KCNMA1: variants seen among roughly 807,000 people sequenced by gnomAD.
The protein encoded by KCNMA1 is Calcium-activated potassium channel subunit alpha-1.
Under a neutral mutation model 140.0 loss-of-function variants are expected in KCNMA1, and 29 were observed. The observed-to-expected ratio is 0.21, with a 90% CI of 0.15 to 0.28. KCNMA1 has a LOEUF of 0.28. Among genes scored for constraint, KCNMA1 ranks in the 10% least tolerant of loss-of-function variants. KCNMA1 has a pLI of 1.00. For synonymous variants in KCNMA1, 612 were observed against 611.9 expected (o/e 1.00, Z 0.00); for missense variants, 880 against 1,602.2 (o/e 0.55, Z 7.70).
chr10:77,322,963 T>G, intron 2 of KCNMA1, among the ~76,000 whole-genome samples: 1 of 152,172 alleles, frequency 6.6e-6, no homozygotes, highest in East Asian at 1.9e-4. Context: ...AATTTACCCC[T>G]GAGGATTGAC....
chr10:77,543,158 T>C (rs2060594653), intron 1 of KCNMA1, among the ~76,000 whole-genome samples: 2 of 152,086 alleles, frequency 1.3e-5, no homozygotes, highest in South Asian at 4.2e-4. Flanking sequence ...TATCCCCTCA[T>C]TAGTGGAATG....
intron 6 of KCNMA1, among the ~76,000 whole-genome samples, chr10:77,117,793 C>T (rs955096884): frequency 3.3e-5 from 5 of 152,080 alleles, no homozygotes; most frequent in African/African-American, 1.2e-4. Context: ...CTGCCAAAAC[C>T]TCAGATAGTG....
At chr10:77,443,851 T>C (rs1399846583) in intron 1 of KCNMA1, among the ~76,000 whole-genome samples, 1 of 152,124 alleles carries the variant, frequency 6.6e-6, no homozygotes, top group Non-Finnish European at 1.5e-5. Context: ...GTTTGATAGA[T>C]CAGTAGGGTG....
intron 1 of KCNMA1, among the ~76,000 whole-genome samples, chr10:77,413,776 G>A (rs965100195): frequency 2.6e-5 from 4 of 152,156 alleles, no homozygotes; most frequent in African/African-American, 7.2e-5. Flanking sequence ...CATTTGCACT[G>A]ATTAATTCAC....
intron 3 of KCNMA1, among the ~76,000 whole-genome samples, chr10:77,235,670 A>G (rs1398238104): frequency 6.6e-6 from 1 of 152,172 alleles, no homozygotes; most frequent in African/African-American, 2.4e-5. Flanking sequence ...CGTTTTCAAC[A>G]GGGATTTTGT....
intron 18 of KCNMA1, among the ~76,000 whole-genome samples, chr10:77,011,151 T>A (rs1334414654): frequency 6.6e-6 from 1 of 152,176 alleles, no homozygotes; most frequent in Non-Finnish European, 1.5e-5. Flanking sequence ...TTTTTGTTTG[T>A]TTTTCAAGGG....
chr10:77,508,352 T>TTTTTA (rs2046911499), intron 1 of KCNMA1, among the ~76,000 whole-genome samples: 1 of 150,516 alleles, frequency 6.6e-6, no homozygotes, highest in Non-Finnish European at 1.5e-5. Context: ...TTTTTTTTTT[T>TTTTTA]TTTTGTAATT....
At chr10:77,007,023 T>C (rs886306381) in intron 18 of KCNMA1, among the ~76,000 whole-genome samples, 1 of 152,208 alleles carries the variant, frequency 6.6e-6, no homozygotes, top group Non-Finnish European at 1.5e-5. Context: ...GGGGACTGAA[T>C]TTGAAACATC....
chr10:77,224,991 C>G (rs912085667), intron 3 of KCNMA1, among the ~76,000 whole-genome samples: 5 of 152,306 alleles, frequency 3.3e-5, no homozygotes, highest in African/African-American at 1.2e-4. Flanking sequence ...GAAACTTTTT[C>G]TGTTTACTTC....
At chr10:77,463,222 G>C (rs2097911607) in intron 1 of KCNMA1, among the ~76,000 whole-genome samples, 1 of 152,098 alleles carries the variant, frequency 6.6e-6, no homozygotes. Flanking sequence ...TCCTGGCCCT[G>C]CGTAGCCTGG....
chr10:77,107,366 T>G (rs1462900750), intron 9 of KCNMA1, among the ~76,000 whole-genome samples: 2 of 152,224 alleles, frequency 1.3e-5, no homozygotes, highest in Non-Finnish European at 2.9e-5. Context: ...TGACTGGGTG[T>G]GTACATAGGT....
intron 17 of KCNMA1, among the ~76,000 whole-genome samples, chr10:77,013,808 G>T (rs1458125250): frequency 2.6e-5 from 4 of 152,080 alleles, no homozygotes; most frequent in Non-Finnish European, 5.9e-5. Context: ...CCTGCCCAAG[G>T]CCACACAGCT....
At chr10:77,194,062 C>T (rs1382377387) in intron 3 of KCNMA1, among the ~76,000 whole-genome samples, 1 of 152,112 alleles carries the variant, frequency 6.6e-6, no homozygotes, top group Non-Finnish European at 1.5e-5. Context: ...CATTGGGGAG[C>T]AACAGCCTGG....
chr10:77,338,799 G>A (rs2090035240), intron 2 of KCNMA1, among the ~76,000 whole-genome samples: 1 of 152,164 alleles, frequency 6.6e-6, no homozygotes, highest in South Asian at 2.1e-4. Flanking sequence ...AACTGCCATT[G>A]GGCATCAGGT....
intron 5 of KCNMA1, among the ~76,000 whole-genome samples, chr10:77,142,064 C>T (rs1383585228): frequency 1.3e-5 from 2 of 152,082 alleles, no homozygotes; most frequent in South Asian, 4.1e-4. Flanking sequence ...GGTTAAAGTG[C>T]TGTAAAGAAA....
At chr10:77,596,761 T>C (rs1473515644) in intron 1 of KCNMA1, among the ~76,000 whole-genome samples, 1 of 152,226 alleles carries the variant, frequency 6.6e-6, no homozygotes, top group East Asian at 1.9e-4. Flanking sequence ...TGTGTTTTCA[T>C]CTTCTTGGCT....
At chr10:77,634,170 T>C in intron 1 of KCNMA1, 1 of 985,396 alleles carries the variant, frequency 1.0e-6, no homozygotes, top group Non-Finnish European at 1.2e-6. Flanking sequence ...TTCAATATAG[T>C]CTATGACAGG....
At chr10:77,138,622 T>C (rs1282108450) in intron 5 of KCNMA1, among the ~76,000 whole-genome samples, 1 of 152,024 alleles carries the variant, frequency 6.6e-6, no homozygotes, top group Non-Finnish European at 1.5e-5. Flanking sequence ...CAAATATCCA[T>C]CAGATTACAT....
intron 1 of KCNMA1, among the ~76,000 whole-genome samples, chr10:77,520,228 GAGGGTATGCA>G: frequency 1.3e-5 from 2 of 151,876 alleles, no homozygotes; most frequent in Non-Finnish European, 2.9e-5. Context: ...TATGCAGTGT[GAGGGTATGCA>G]GTGTGAGGTC....
Sources: gnomAD v4.1 joint callset for allele counts (sites outside exome capture counted in the v4.1 genomes callset) on GRCh38, gnomAD v4.1.1 for gene constraint, MANE v1.5 for transcripts, NCBI Gene and HGNC (gene_info 2026-07-23, HGNC 2026-07-21) for gene names.